Variants in PCDH15 observed in about 807,000 individuals in gnomAD.
The protein encoded by PCDH15 is protocadherin related 15.
PCDH15 carries 129 observed loss-of-function variants against 178.5 expected under a neutral mutation model. The observed-to-expected ratio is 0.72, with a 90% CI of 0.63 to 0.84. The LOEUF (loss-of-function observed/expected upper bound fraction) is 0.84. Among genes scored for constraint, PCDH15 ranks in the 40% least tolerant of loss-of-function variants. The pLI is 0.00. For missense variants in PCDH15, 2,230 were observed against 2,099.9 expected (o/e 1.06, Z -1.21); for synonymous variants, 800 against 732.0 (o/e 1.09, Z -1.50).
chr10:54,882,602 G>A (rs1283250387), intron 3 of PCDH15, among the ~76,000 whole-genome samples: 1 of 151,860 alleles, frequency 6.6e-6, no homozygotes, highest in Non-Finnish European at 1.5e-5. Context: ...CTAATAATAT[G>A]TTATATTTAT....
intron 2 of PCDH15, among the ~76,000 whole-genome samples, chr10:55,377,898 T>C (rs1420368355): frequency 6.6e-6 from 1 of 152,074 alleles, no homozygotes; most frequent in Non-Finnish European, 1.5e-5. Flanking sequence ...TGAGGTCATG[T>C]CCTTCGTGGC....
intron 2 of PCDH15, among the ~76,000 whole-genome samples, chr10:55,360,170 T>C (rs558084870): frequency 6.6e-6 from 1 of 152,144 alleles, no homozygotes; most frequent in South Asian, 2.1e-4. Flanking sequence ...GTGATGAATA[T>C]GTCATTCCAA....
chr10:55,261,976 T>A (rs958811498), intron 1 of PCDH15, among the ~76,000 whole-genome samples: 4 of 147,470 alleles, frequency 2.7e-5, no homozygotes, highest in Non-Finnish European at 5.9e-5. Context: ...TCATCTCAAA[T>A]TCCATTTCAC....
At chr10:54,488,216 A>G (rs2137061934) in intron 3 of PCDH15, among the ~76,000 whole-genome samples, 1 of 152,014 alleles carries the variant, frequency 6.6e-6, no homozygotes, top group East Asian at 1.9e-4. Context: ...CAATCAAATT[A>G]GATTATAATT....
intron 2 of PCDH15, among the ~76,000 whole-genome samples, chr10:55,551,774 T>A (rs1369373045): frequency 6.6e-6 from 1 of 151,764 alleles, no homozygotes; most frequent in African/African-American, 2.4e-5. Flanking sequence ...TAAAATTGCA[T>A]GTAATGAGTA....
intron 23 of PCDH15, among the ~76,000 whole-genome samples, chr10:53,958,957 C>A (rs2087932614): frequency 3.8e-5 from 4 of 105,726 alleles, no homozygotes; most frequent in Admixed American, 3.1e-4. Context: ...CCAGCCTGGG[C>A]AACAGAGCAA....
chr10:55,616,443 TAC>T (rs1843477101), intron 2 of PCDH15, among the ~76,000 whole-genome samples: 1 of 152,084 alleles, frequency 6.6e-6, no homozygotes, highest in Non-Finnish European at 1.5e-5. Flanking sequence ...TATTAATAGT[TAC>T]ATCTTTCAAT....
At chr10:55,032,622 C>T (rs561453369) in intron 2 of PCDH15, among the ~76,000 whole-genome samples, 61 of 152,250 alleles carry the variant, frequency 4.0e-4, no homozygotes, top group Admixed American at 3.9e-3. Context: ...AGGCTGGCCA[C>T]ATAAACAATG....
chr10:55,234,626 C>T (rs961632244), intron 1 of PCDH15, among the ~76,000 whole-genome samples: 9 of 152,010 alleles, frequency 5.9e-5, no homozygotes, highest in African/African-American at 2.2e-4. Flanking sequence ...AGCAATCCAC[C>T]TACCTCGGCC....
At position 54,862,222 on chromosome 10, in the gene PCDH15, C is replaced by A. The variant is rs550871026; in HGVS notation, c.-29+35228G>T. Among the ~76,000 whole-genome samples, 185 of 152,270 alleles carry A rather than the reference C, an allele frequency of 1.2e-3. 1 individual carries two copies. Among genetic ancestry groups the A allele is most frequent in the African/African-American group, 4.3e-3 (180 of 41,564 alleles). On this transcript the variant is annotated intron_variant, in intron 3 of 5. Transcript: ENST00000458638. ...CAGACAAATTCAGTAAAAATGCAAT[C>A]TCTTTACCATAAATGTTTCTAGGAA...
At chr10:55,336,124 G>GGAA (rs1171131975) in intron 2 of PCDH15, among the ~76,000 whole-genome samples, 65 of 59,294 alleles carry the variant, frequency 1.1e-3, no homozygotes, top group African/African-American at 2.8e-3. Flanking sequence ...CTTGGTATTT[G>GGAA]AAAAAAAAAA....
intron 3 of PCDH15, among the ~76,000 whole-genome samples, chr10:54,873,955 CT>C (rs1954087566): frequency 6.8e-6 from 1 of 147,956 alleles, no homozygotes; most frequent in Admixed American, 6.8e-5. Flanking sequence ...TCTTTTTTTT[CT>C]TTTATTTATT....
intron 3 of PCDH15, among the ~76,000 whole-genome samples, chr10:54,412,778 G>A (rs984062659): frequency 2.6e-5 from 4 of 152,160 alleles, no homozygotes; most frequent in Non-Finnish European, 5.9e-5. Flanking sequence ...GTGGAGGGCA[G>A]TGGCGTGACC....
chr10:54,376,766 T>A (rs1033598829), intron 4 of PCDH15, among the ~76,000 whole-genome samples: 9 of 151,936 alleles, frequency 5.9e-5, no homozygotes, highest in Non-Finnish European at 8.8e-5. Flanking sequence ...TGGAAGCATA[T>A]AGGGACAATA....
intron 2 of PCDH15, among the ~76,000 whole-genome samples, chr10:55,327,146 G>A (rs1191633040): frequency 6.6e-6 from 1 of 151,984 alleles, no homozygotes; most frequent in Admixed American, 6.6e-5. Flanking sequence ...TAGAATTAGT[G>A]CCCCATAAAC....
At chr10:55,188,820 A>G (rs1397975796) in intron 1 of PCDH15, among the ~76,000 whole-genome samples, 1 of 151,838 alleles carries the variant, frequency 6.6e-6, no homozygotes, top group Non-Finnish European at 1.5e-5. Context: ...TTCAATGTAA[A>G]TATTTCCCCA....
intron 32 of PCDH15, chr10:53,823,771 G>T (rs1235025839): frequency 2.2e-6 from 1 of 453,668 alleles, no homozygotes; most frequent in Non-Finnish European, 4.4e-6. Context: ...ACGCATAGAA[G>T]ATTCTTAGCT....
intron 18 of PCDH15, among the ~76,000 whole-genome samples, chr10:54,030,983 T>G (rs1216267084): frequency 6.6e-6 from 1 of 151,976 alleles, no homozygotes; most frequent in East Asian, 1.9e-4. Context: ...AATATGAAGC[T>G]CATGTGGTGC....
chr10:54,315,118 T>A (rs1213884407), intron 8 of PCDH15, among the ~76,000 whole-genome samples: 1 of 152,174 alleles, frequency 6.6e-6, no homozygotes, highest in Admixed American at 6.6e-5. Flanking sequence ...GCCACATGGC[T>A]TTCCACATGG....
Sources: gnomAD v4.1 joint callset for allele counts (sites outside exome capture counted in the v4.1 genomes callset) on GRCh38, gnomAD v4.1.1 for gene constraint, MANE v1.5 for transcripts, NCBI Gene and HGNC (gene_info 2026-07-23, HGNC 2026-07-21) for gene names.